The following MCTP1 variants were observed in gnomAD, a reference collection of about 807,000 sequenced individuals.
The protein encoded by MCTP1 is multiple C2 and transmembrane domain-containing protein 1.
In MCTP1, 69 loss-of-function variants were observed where a neutral mutation model predicts 120.6. The observed-to-expected ratio is 0.57, with a 90% CI of 0.47 to 0.70. The LOEUF (loss-of-function observed/expected upper bound fraction) is 0.70, where lower values mean the gene tolerates loss of function less well. MCTP1 is among the 30% of genes least tolerant of loss of function. The pLI, the probability that MCTP1 is intolerant of heterozygous loss-of-function variation, is 0.00. For synonymous variants in MCTP1, 529 were observed against 493.1 expected (o/e 1.07, Z -0.96); for missense variants, 1,203 against 1,248.8 (o/e 0.96, Z 0.55).
At chr5:94,767,646 C>G (rs180681288) in intron 19 of MCTP1, among the ~76,000 whole-genome samples, 2 of 152,094 alleles carry the variant, frequency 1.3e-5, no homozygotes, top group Admixed American at 1.3e-4. Flanking sequence ...GAAATCAAGA[C>G]AGCAGTTCCA....
chr5:94,951,167 T>C (rs1286258462), intron 3 of MCTP1, among the ~76,000 whole-genome samples: 2 of 152,182 alleles, frequency 1.3e-5, no homozygotes, highest in Non-Finnish European at 2.9e-5. Flanking sequence ...TCTATGCCCA[T>C]GTGTGCACAT....
At chr5:94,863,436 C>G (rs544306127) in intron 17 of MCTP1, among the ~76,000 whole-genome samples, 11 of 151,904 alleles carry the variant, frequency 7.2e-5, no homozygotes, top group African/African-American at 2.4e-4. Context: ...GTACTATTGT[C>G]TCTTAAATTT....
At chr5:95,090,556 G>A (rs546700006) in intron 1 of MCTP1, among the ~76,000 whole-genome samples, 4 of 152,214 alleles carry the variant, frequency 2.6e-5, no homozygotes, top group East Asian at 1.9e-4. Flanking sequence ...GGAGTTGTGC[G>A]GCACACAGGC....
chr5:94,729,682 G>T (rs1027492115), intron 19 of MCTP1, among the ~76,000 whole-genome samples: 5 of 152,202 alleles, frequency 3.3e-5, no homozygotes. Flanking sequence ...AGTGCACGTA[G>T]TACAAATGTG....
chr5:94,860,307 A>G (rs1264069818), intron 17 of MCTP1, among the ~76,000 whole-genome samples: 2 of 151,754 alleles, frequency 1.3e-5, no homozygotes, highest in African/African-American at 4.8e-5. Flanking sequence ...TTATAAATAC[A>G]GTGCAATGTC....
intron 19 of MCTP1, among the ~76,000 whole-genome samples, chr5:94,737,626 G>C (rs538286323): frequency 9.9e-5 from 15 of 152,180 alleles, no homozygotes; most frequent in Admixed American, 7.2e-4. Context: ...TCAATAACCA[G>C]TTACATAAGT....
At chr5:95,003,108 T>C (rs1196252069) in intron 2 of MCTP1, among the ~76,000 whole-genome samples, 2 of 152,200 alleles carry the variant, frequency 1.3e-5, no homozygotes, top group African/African-American at 4.8e-5. Flanking sequence ...CCTTCTGCCA[T>C]AATTGTAAGT....
intron 1 of MCTP1, among the ~76,000 whole-genome samples, chr5:95,143,951 C>T (rs950616174): frequency 9.2e-5 from 14 of 152,176 alleles, no homozygotes; most frequent in Non-Finnish European, 2.9e-5. Context: ...AATGGTAGTT[C>T]TGTTTGAAGT....
chr5:95,176,855 A>T (rs1009934513), intron 1 of MCTP1, among the ~76,000 whole-genome samples: 1 of 151,988 alleles, frequency 6.6e-6, no homozygotes, highest in East Asian at 1.9e-4. Context: ...AAAAAATAAA[A>T]ATATATATAT....
intron 2 of MCTP1, among the ~76,000 whole-genome samples, chr5:94,960,539 T>C (rs1238499345): frequency 6.6e-6 from 1 of 151,876 alleles, no homozygotes; most frequent in Non-Finnish European, 1.5e-5. Context: ...AGGGCTAATA[T>C]CCAGAATCTA....
chr5:95,033,663 G>C (rs373527941), intron 1 of MCTP1, among the ~76,000 whole-genome samples: 135 of 152,158 alleles, frequency 8.9e-4, no homozygotes, highest in African/African-American at 3.0e-3. Flanking sequence ...CTACAAACTG[G>C]AACAAGACAG....
chr5:94,721,120 G>A (rs432449), intron 19 of MCTP1, among the ~76,000 whole-genome samples: 48,710 of 151,944 alleles, frequency 0.32, 8,206 homozygotes, highest in South Asian at 0.47. Context: ...AAAATGTTTC[G>A]AAAATGCAGA....
intron 1 of MCTP1, among the ~76,000 whole-genome samples, chr5:95,251,941 A>G (rs1341509481): frequency 6.6e-6 from 1 of 152,152 alleles, no homozygotes; most frequent in Non-Finnish European, 1.5e-5. Flanking sequence ...TTCCCAACCC[A>G]GAAAACTTCT....
At chr5:94,945,957 TTAGGCCGTGGGGCC>T (rs1385395767) in intron 3 of MCTP1, among the ~76,000 whole-genome samples, 2 of 152,276 alleles carry the variant, frequency 1.3e-5, no homozygotes, top group East Asian at 3.9e-4. Flanking sequence ...TAGTTCAGGC[TTAGGCCGTGGGGCC>T]TACCATCATA....
intron 1 of MCTP1, among the ~76,000 whole-genome samples, chr5:95,147,234 C>T (rs757420733): frequency 2.0e-5 from 3 of 152,068 alleles, no homozygotes; most frequent in East Asian, 1.9e-4. Context: ...CTACAGGTGC[C>T]GCCACCATGC....
chr5:94,825,658 T>C (rs1388819393), intron 17 of MCTP1, among the ~76,000 whole-genome samples: 1 of 152,084 alleles, frequency 6.6e-6, no homozygotes, highest in Non-Finnish European at 1.5e-5. Flanking sequence ...TCTTCCACTA[T>C]TATTGTGTGG....
At chr5:94,936,423 GAGA>G (rs1196091140) in intron 5 of MCTP1, among the ~76,000 whole-genome samples, 1 of 152,044 alleles carries the variant, frequency 6.6e-6, no homozygotes, top group Non-Finnish European at 1.5e-5. Flanking sequence ...AAGGTGAACT[GAGA>G]AGGAGTTTGT....
Position 94,707,510 on chromosome 5 carries a change from TTTTC to T in MCTP1, c.2982_2985del (p.Lys995ThrfsTer49). 1.2e-6 allele frequency: 2 copies of T among 1,611,774 alleles called. No individual in the cohort carries two copies. The highest frequency in any genetic ancestry group is 1.7e-6 in the Non-Finnish European group (2 of 1,178,408). ...CTGGGAGCTGGCTAGCCAAGATTGT[TTTTC>T]TTTCTTTTATATGGGCTATGAGAAG... On this transcript the variant is annotated frameshift_variant, in exon 23 of 23. Coordinates refer to ENST00000515393, the MANE Select transcript of MCTP1 (RefSeq NM_024717.7). LOFTEE classifies it high-confidence loss of function.
chr5:95,151,493 A>G (rs1760894506), intron 1 of MCTP1, among the ~76,000 whole-genome samples: 1 of 152,088 alleles, frequency 6.6e-6, no homozygotes, highest in South Asian at 2.1e-4. Context: ...ATTCAAACCC[A>G]TGTTCTCAAG....
Sources: allele counts gnomAD v4.1 joint callset (sites outside exome capture counted in the v4.1 genomes callset), GRCh38; gene constraint gnomAD v4.1.1; transcripts MANE v1.5; gene names NCBI Gene and HGNC (gene_info 2026-07-23, HGNC 2026-07-21).